CHMP4C: variants seen among roughly 807,000 people sequenced by gnomAD.
The protein encoded by CHMP4C is SNF7 homolog associated with Alix 3.
Under a neutral mutation model 29.0 loss-of-function variants are expected in CHMP4C, and 28 were observed. The observed-to-expected ratio is 0.97, with a 90% CI of 0.72 to 1.32. The LOEUF (loss-of-function observed/expected upper bound fraction) is 1.32, where lower values mean the gene tolerates loss of function less well. Among genes scored for constraint, CHMP4C ranks in the 40% most tolerant of loss-of-function variants. The pLI is 0.00. For synonymous variants in CHMP4C, 106 were observed against 102.4 expected (o/e 1.04, Z -0.21); for missense variants, 291 against 281.0 (o/e 1.04, Z -0.25).
chr8:81,748,398 T>C (rs550824896), intron 1 of CHMP4C, among the ~76,000 whole-genome samples: 25 of 152,272 alleles, frequency 1.6e-4, no homozygotes, highest in South Asian at 4.1e-4. Context: ...AGGGTATTGA[T>C]TGGGGAAGTG....
intron 1 of CHMP4C, among the ~76,000 whole-genome samples, chr8:81,743,251 CATAAT>C (rs1178737545): frequency 6.6e-6 from 1 of 150,380 alleles, no homozygotes; most frequent in African/African-American, 2.4e-5. Context: ...TAAATATATA[CATAAT>C]ATATTATATA....
chr8:81,745,859 A>T (rs1168435827), intron 1 of CHMP4C, among the ~76,000 whole-genome samples: 1 of 152,206 alleles, frequency 6.6e-6, no homozygotes, highest in African/African-American at 2.4e-5. Flanking sequence ...TTAAAAGCAC[A>T]TACAGGAGTT....
At chr8:81,733,589 A>G (rs1808646769) in intron 1 of CHMP4C, among the ~76,000 whole-genome samples, 1 of 152,058 alleles carries the variant, frequency 6.6e-6, no homozygotes, top group Non-Finnish European at 1.5e-5. Context: ...TGGCACACAC[A>G]AGAGACTTTG....
intron 1 of CHMP4C, among the ~76,000 whole-genome samples, chr8:81,751,751 G>A (rs1206528004): frequency 6.6e-6 from 1 of 151,934 alleles, no homozygotes; most frequent in African/African-American, 2.4e-5. Context: ...GAGACTGAGT[G>A]AAAATCTTAC....
chr8:81,736,430 A>T (rs1016489700), intron 1 of CHMP4C, among the ~76,000 whole-genome samples: 4 of 152,078 alleles, frequency 2.6e-5, no homozygotes, highest in African/African-American at 9.7e-5. Flanking sequence ...CAAAGTGCTG[A>T]CAAGAGCCAC....
chr8:81,756,242 A>C (rs1036638498), intron 3 of CHMP4C, among the ~76,000 whole-genome samples: 1 of 152,150 alleles, frequency 6.6e-6, no homozygotes, highest in Non-Finnish European at 1.5e-5. Flanking sequence ...TATGGCTTGC[A>C]GGCCAAATTC....
intron 1 of CHMP4C, among the ~76,000 whole-genome samples, chr8:81,748,924 T>TA (rs34505643): frequency 0.49 from 58,605 of 120,074 alleles, 14,136 homozygotes; most frequent in Admixed American, 0.57. Flanking sequence ...AGACTCTGTG[T>TA]AAAAAAAAAA....
chr8:81,740,138 C>T, intron 1 of CHMP4C, among the ~76,000 whole-genome samples: 1 of 152,190 alleles, frequency 6.6e-6, no homozygotes, highest in East Asian at 1.9e-4. Flanking sequence ...GAACCAAGGA[C>T]AGAACCTTGG....
At chr8:81,754,424 G>A (rs1209526560) in intron 2 of CHMP4C, among the ~76,000 whole-genome samples, 3 of 152,056 alleles carry the variant, frequency 2.0e-5, no homozygotes, top group Admixed American at 6.6e-5. Context: ...TAAAGATAAG[G>A]GATGGTCAGA....
rs373903013 is a variant in CHMP4C at position 81,740,759 on chromosome 8, T to C, written c.190+7943T>C. ...GGTTCACAAATGCTGGCTTCTGAAC[T>C]GATAGCGTGTTACCTTCATCAGATT... On this transcript the variant is annotated intron_variant, in intron 1 of 4. Transcript: ENST00000297265. Among the ~76,000 whole-genome samples the C allele has an allele frequency of 4.6e-5, 7 of 152,358 alleles. No individual in the cohort carries two copies. In the East Asian group the frequency reaches 9.6e-4, roughly 21 times the overall value.
chr8:81,739,272 T>A (rs1808731145), intron 1 of CHMP4C, among the ~76,000 whole-genome samples: 1 of 151,730 alleles, frequency 6.6e-6, no homozygotes, highest in African/African-American at 2.4e-5. Context: ...ATTTTTTTTT[T>A]AATTTTTAGT....
chr8:81,734,563 C>T (rs1306978492), intron 1 of CHMP4C, among the ~76,000 whole-genome samples: 2 of 152,188 alleles, frequency 1.3e-5, no homozygotes, highest in East Asian at 3.9e-4. Flanking sequence ...CTCCTGACCT[C>T]AGGTGATCCA....
intron 1 of CHMP4C, among the ~76,000 whole-genome samples, chr8:81,750,051 C>T (rs1297674411): frequency 1.3e-5 from 2 of 151,964 alleles, no homozygotes; most frequent in Non-Finnish European, 2.9e-5. Flanking sequence ...CCTGATGATG[C>T]AATAGAAAAG....
chr8:81,749,788 C>T (rs999150258), intron 1 of CHMP4C, among the ~76,000 whole-genome samples: 6 of 152,168 alleles, frequency 3.9e-5, no homozygotes. Context: ...AATCTGGGCT[C>T]CCTCATTCAC....
chr8:81,754,572 C>T (rs1808947667), intron 2 of CHMP4C, among the ~76,000 whole-genome samples: 1 of 152,034 alleles, frequency 6.6e-6, no homozygotes, highest in Admixed American at 6.6e-5. Context: ...TAATGAGGGA[C>T]ATTGTCAGTT....
chr8:81,736,813 T>C (rs1808697722), intron 1 of CHMP4C, among the ~76,000 whole-genome samples: 1 of 152,186 alleles, frequency 6.6e-6, no homozygotes, highest in South Asian at 2.1e-4. Flanking sequence ...TGCTTGCTAG[T>C]GTATGTTTGT....
chr8:81,734,079 G>C (rs1021310702), intron 1 of CHMP4C, among the ~76,000 whole-genome samples: 3 of 152,190 alleles, frequency 2.0e-5, no homozygotes, highest in South Asian at 2.1e-4. Flanking sequence ...TTAGAGGTAA[G>C]TACTGATTTC....
intron 1 of CHMP4C, among the ~76,000 whole-genome samples, chr8:81,751,164 C>A (rs1355102785): frequency 6.6e-6 from 1 of 151,976 alleles, no homozygotes; most frequent in Admixed American, 6.6e-5. Context: ...ATCAATGCAC[C>A]TTTTCTGGAA....
At chr8:81,742,947 G>T (rs2130481221) in intron 1 of CHMP4C, among the ~76,000 whole-genome samples, 1 of 152,182 alleles carries the variant, frequency 6.6e-6, no homozygotes, top group East Asian at 1.9e-4. Flanking sequence ...AAACATTAAA[G>T]AATAGTATAG....
Sources: allele counts gnomAD v4.1 joint callset (sites outside exome capture counted in the v4.1 genomes callset), GRCh38; gene constraint gnomAD v4.1.1; transcripts MANE v1.5; gene names NCBI Gene and HGNC (gene_info 2026-07-23, HGNC 2026-07-21).